The following SDHAF3 variants were observed in gnomAD, a reference collection of about 807,000 sequenced individuals.
SDHAF3 encodes succinate dehydrogenase assembly factor 3, mitochondrial.
Under a neutral mutation model 11.5 loss-of-function variants are expected in SDHAF3, and 18 were observed. That is an observed-to-expected ratio of 1.56 (90% confidence interval 1.08 to 2.32). The LOEUF is 2.32. SDHAF3 is among the 30% of genes most tolerant of loss of function. The probability of loss-of-function intolerance (pLI) is 0.00; values close to 1 mark genes in which losing one functional copy is unlikely to be tolerated. For missense variants in SDHAF3, 200 were observed against 154.4 expected, an observed-to-expected ratio of 1.30 and a Z score of -1.57; for synonymous variants, 72 against 59.3, an observed-to-expected ratio of 1.21 and a Z score of -0.99.
chr7:97,172,729 A>G (rs1391416176), intron 1 of SDHAF3, among the ~76,000 whole-genome samples: 1 of 152,244 alleles, frequency 6.6e-6, no homozygotes, highest in Non-Finnish European at 1.5e-5. Context: ...CTGAAATCCC[A>G]CTGTTTTGAT....
chr7:97,157,148 T>G (rs1208060659), intron 1 of SDHAF3, among the ~76,000 whole-genome samples: 1 of 152,206 alleles, frequency 6.6e-6, no homozygotes, highest in Non-Finnish European at 1.5e-5. Context: ...TCTGTATCCC[T>G]GGGGTACTGA....
At chr7:97,145,362 G>A (rs1176134777) in intron 1 of SDHAF3, among the ~76,000 whole-genome samples, 1 of 152,008 alleles carries the variant, frequency 6.6e-6, no homozygotes, top group African/African-American at 2.4e-5. Flanking sequence ...TATTTGAATT[G>A]TCTGTTACAG....
intron 1 of SDHAF3, among the ~76,000 whole-genome samples, chr7:97,168,841 ACTTATT>A (rs1288158568): frequency 6.6e-6 from 1 of 152,070 alleles, no homozygotes; most frequent in Non-Finnish European, 1.5e-5. Flanking sequence ...TTTCTTACAT[ACTTATT>A]CTTATATTCT....
chr7:97,129,742 T>G (rs895326550), intron 1 of SDHAF3, among the ~76,000 whole-genome samples: 1 of 152,188 alleles, frequency 6.6e-6, no homozygotes, highest in Non-Finnish European at 1.5e-5. Flanking sequence ...AGCTGGCCAC[T>G]AGTCTCTATG....
intron 1 of SDHAF3, among the ~76,000 whole-genome samples, chr7:97,149,851 T>C (rs1029050820): frequency 6.6e-6 from 1 of 152,370 alleles, no homozygotes; most frequent in East Asian, 1.9e-4. Flanking sequence ...ATCTGTAGCA[T>C]GCAATGCTGT....
chr7:97,142,042 CTTTTTTTTTTTTTTTT>C (rs71131003), intron 1 of SDHAF3, among the ~76,000 whole-genome samples: 1,197 of 61,714 alleles, frequency 0.019, 35 homozygotes, highest in Admixed American at 0.032. Flanking sequence ...GAATTGTTGT[CTTTTTTTTTTTTTTTT>C]TTTTTTTTTT....
intron 1 of SDHAF3, among the ~76,000 whole-genome samples, chr7:97,175,136 G>A (rs1789660741): frequency 6.6e-6 from 1 of 151,960 alleles, no homozygotes; most frequent in Non-Finnish European, 1.5e-5. Context: ...TCTAAATGCT[G>A]GTAAGAAGAA....
chr7:97,160,253 C>T (rs1441953815), intron 1 of SDHAF3, among the ~76,000 whole-genome samples: 8 of 144,452 alleles, frequency 5.5e-5, no homozygotes, highest in Non-Finnish European at 9.0e-5. Flanking sequence ...CGCCCCTGCC[C>T]GGCCGCCCTG....
At chr7:97,152,785 G>C (rs1490770543) in intron 1 of SDHAF3, among the ~76,000 whole-genome samples, 1 of 152,202 alleles carries the variant, frequency 6.6e-6, no homozygotes, top group Non-Finnish European at 1.5e-5. Context: ...GAGTAGCTGG[G>C]ACTACAGATG....
At chr7:97,155,987 G>C (rs1468159495) in intron 1 of SDHAF3, among the ~76,000 whole-genome samples, 1 of 152,108 alleles carries the variant, frequency 6.6e-6, no homozygotes, top group Non-Finnish European at 1.5e-5. Flanking sequence ...TTTTTAAAAA[G>C]TATGGTACGT....
At chr7:97,146,128 T>C (rs969266052) in intron 1 of SDHAF3, among the ~76,000 whole-genome samples, 5 of 151,912 alleles carry the variant, frequency 3.3e-5, no homozygotes, top group African/African-American at 1.2e-4. Flanking sequence ...CCCCCACTTT[T>C]GAACGCTAGA....
At chr7:97,120,190 G>C (rs539162244) in intron 1 of SDHAF3, among the ~76,000 whole-genome samples, 5 of 152,080 alleles carry the variant, frequency 3.3e-5, no homozygotes, top group Non-Finnish European at 7.4e-5. Flanking sequence ...GTAGAGAACA[G>C]TTTTCCTGTC....
chr7:97,124,719 G>C (rs750357646), intron 1 of SDHAF3, among the ~76,000 whole-genome samples: 3 of 152,186 alleles, frequency 2.0e-5, no homozygotes, highest in Non-Finnish European at 4.4e-5. Flanking sequence ...TGTGTCTCTT[G>C]TAAGTTGTAT....
chr7:97,178,340 A>G (rs1789717444), intron 1 of SDHAF3, among the ~76,000 whole-genome samples: 1 of 152,148 alleles, frequency 6.6e-6, no homozygotes, highest in Non-Finnish European at 1.5e-5. Flanking sequence ...TATTGTGTAT[A>G]CAAGTATGTG....
In SDHAF3 at chr7:97,172,469, T is replaced by C. The variant is rs143454626; in HGVS notation, c.175-8543T>C. Among the ~76,000 whole-genome samples, 5 of 152,324 alleles carry C rather than the reference T, an allele frequency of 3.3e-5. 1 individual carries two copies. The East Asian group carries it at 9.6e-4, about 29-fold the overall frequency. ...GTCTTTCTGTGACTCTTATCACCTTTCCATATTCAAATCCAATTCTCTTCC... is the reference window on the plus strand; with the variant it reads ...GTCTTTCTGTGACTCTTATCACCTTCCCATATTCAAATCCAATTCTCTTCC... On this transcript the variant is annotated intron_variant, in intron 1 of 1. Coordinates refer to ENST00000432641, the MANE Select transcript of SDHAF3 (RefSeq NM_020186.3).
At chr7:97,178,676 C>T (rs1215717463) in intron 1 of SDHAF3, among the ~76,000 whole-genome samples, 1 of 152,142 alleles carries the variant, frequency 6.6e-6, no homozygotes, top group Non-Finnish European at 1.5e-5. Flanking sequence ...AATGTCTATT[C>T]ATGTGCTTTA....
At chr7:97,167,290 C>G (rs1264941655) in intron 1 of SDHAF3, among the ~76,000 whole-genome samples, 1 of 152,150 alleles carries the variant, frequency 6.6e-6, no homozygotes, top group Non-Finnish European at 1.5e-5. Flanking sequence ...TTGGCTCTCT[C>G]TCCTGCTGCT....
intron 1 of SDHAF3, among the ~76,000 whole-genome samples, chr7:97,155,516 CCA>C (rs1410524429): frequency 6.6e-6 from 1 of 152,194 alleles, no homozygotes; most frequent in African/African-American, 2.4e-5. Flanking sequence ...CCAAGTGCTC[CCA>C]CTGAACTTTG....
chr7:97,154,173 T>A (rs1236517368), intron 1 of SDHAF3, among the ~76,000 whole-genome samples: 2 of 130,434 alleles, frequency 1.5e-5, no homozygotes. Flanking sequence ...TTCTTAAGGG[T>A]GGGGGAGATT....
Sources: allele counts gnomAD v4.1 joint callset (sites outside exome capture counted in the v4.1 genomes callset), GRCh38; gene constraint gnomAD v4.1.1; transcripts MANE v1.5; gene names NCBI Gene and HGNC (gene_info 2026-07-23, HGNC 2026-07-21).